GSG1L: variants seen among roughly 807,000 people sequenced by gnomAD.
GSG1L encodes GSG1 like, also known as germ cell-specific gene 1-like protein.
A neutral mutation model predicts 42.1 loss-of-function variants in GSG1L; 24 were observed. The ratio of observed to expected loss-of-function variants is 0.57; its 90% CI spans 0.41 to 0.80. GSG1L has a LOEUF of 0.80. GSG1L is among the 30% of genes least tolerant of loss of function. The probability of loss-of-function intolerance (pLI) is 0.00; values close to 1 mark genes in which losing one functional copy is unlikely to be tolerated. For synonymous variants in GSG1L, 215 were observed against 203.5 expected, an observed-to-expected ratio of 1.06 and a Z score of -0.48; for missense variants, 445 against 472.2, an observed-to-expected ratio of 0.94 and a Z score of 0.53.
At position 27,828,676 on chromosome 16, in the gene GSG1L, C is replaced by T. The variant is rs539031452; in HGVS notation, c.830+113G>A. 1,109 of 987,978 alleles carry T rather than the reference C, an allele frequency of 1.1e-3. 2 individuals are homozygous for T. Among genetic ancestry groups the T allele is most frequent in the Middle Eastern group, 2.8e-3 (12 of 4,252 alleles). 61.2% of individuals were successfully genotyped at this position (987,978 alleles called of 1,614,324 possible). A position where few individuals can be genotyped will look rare whatever the true frequency, so the allele number is the denominator to read the frequency against. ...TTCTTCTGCCTCCCCCCTCCATAAC[C>T]CCTCTGTCATACCATTCATTCCAGT... On this transcript the variant is annotated intron_variant, in intron 5 of 6. Transcript: ENST00000447459.
intron 6 of GSG1L, among the ~76,000 whole-genome samples, chr16:27,794,820 T>G (rs2082800226): frequency 6.6e-6 from 1 of 152,172 alleles, no homozygotes; most frequent in Non-Finnish European, 1.5e-5. Flanking sequence ...TCCATGGCTT[T>G]GCATAGGCTG....
At chr16:27,919,840 C>A (rs2084504057) in intron 2 of GSG1L, among the ~76,000 whole-genome samples, 1 of 152,200 alleles carries the variant, frequency 6.6e-6, no homozygotes, top group Non-Finnish European at 1.5e-5. Context: ...AAATAAGAGA[C>A]AGAGTATTTA....
intron 1 of GSG1L, among the ~76,000 whole-genome samples, chr16:28,053,603 C>T (rs537068194): frequency 1.3e-5 from 2 of 152,248 alleles, no homozygotes; most frequent in African/African-American, 4.8e-5. Flanking sequence ...AAGAGCAAGG[C>T]GAGGCGGGAA....
chr16:28,055,713 G>A (rs1379910962), intron 1 of GSG1L, among the ~76,000 whole-genome samples: 7 of 150,938 alleles, frequency 4.6e-5, no homozygotes, highest in South Asian at 2.1e-4. Flanking sequence ...CAGGTGATCC[G>A]CCCACCTCGG....
intron 1 of GSG1L, among the ~76,000 whole-genome samples, chr16:27,964,303 G>A (rs554153325): frequency 2.1e-5 from 3 of 146,074 alleles, no homozygotes; most frequent in African/African-American, 7.5e-5. Context: ...CAGCCTGGGC[G>A]ACAGAGAGGG....
chr16:27,866,670 C>T (rs1027401229), intron 3 of GSG1L, among the ~76,000 whole-genome samples: 1 of 152,148 alleles, frequency 6.6e-6, no homozygotes, highest in Non-Finnish European at 1.5e-5. Context: ...CCCCCAGGTT[C>T]AAGCCATTTT....
At chr16:27,821,699 G>A (rs1567470242) in intron 5 of GSG1L, among the ~76,000 whole-genome samples, 2 of 151,930 alleles carry the variant, frequency 1.3e-5, no homozygotes, top group African/African-American at 2.4e-5. Flanking sequence ...AGGAGATCAC[G>A]ACCATCCTGG....
intron 2 of GSG1L, among the ~76,000 whole-genome samples, chr16:27,903,206 A>T (rs2084282039): frequency 6.6e-6 from 1 of 152,066 alleles, no homozygotes; most frequent in Admixed American, 6.5e-5. Flanking sequence ...CCTGGGGGCT[A>T]GGAGCCCGCA....
intron 1 of GSG1L, among the ~76,000 whole-genome samples, chr16:28,032,612 G>A (rs1290893892): frequency 1.3e-5 from 2 of 152,024 alleles, no homozygotes; most frequent in African/African-American, 2.4e-5. Context: ...AACATAACCC[G>A]GCCAGGTCTG....
intron 3 of GSG1L, among the ~76,000 whole-genome samples, chr16:27,853,655 A>T (rs937951036): frequency 6.6e-6 from 1 of 152,094 alleles, no homozygotes; most frequent in South Asian, 2.1e-4. Context: ...CTCTGGTTGG[A>T]ATTCTGCCTT....
At position 27,935,071 on chromosome 16, in the gene GSG1L, G is replaced by A. The variant is rs2084699029; in HGVS notation, c.397+28085C>T. On this transcript the variant is annotated intron_variant, in intron 2 of 6. Transcript: ENST00000447459. ...CAGGAGGGACAAAGCAAGGTGACTTGAGAAGGTGTTTATTTTAGACAGCAC... is the reference window on the plus strand; with the variant it reads ...CAGGAGGGACAAAGCAAGGTGACTTAAGAAGGTGTTTATTTTAGACAGCAC... 3.3e-5 allele frequency among the ~76,000 whole-genome samples: 5 copies of A among 152,234 alleles called. No homozygotes were observed. The South Asian group carries it at 1.0e-3, about 32-fold the overall frequency.
intron 2 of GSG1L, among the ~76,000 whole-genome samples, chr16:27,915,927 T>G (rs1363956401): frequency 6.6e-6 from 1 of 151,916 alleles, no homozygotes; most frequent in East Asian, 1.9e-4. Flanking sequence ...GCAAATCATT[T>G]AACTTTTTTT....
At chr16:27,866,799 T>C (rs1017215787) in intron 3 of GSG1L, among the ~76,000 whole-genome samples, 1 of 152,158 alleles carries the variant, frequency 6.6e-6, no homozygotes, top group African/African-American at 2.4e-5. Context: ...GTCGAACTCC[T>C]GACCTCATGT....
chr16:27,954,651 G>A (rs1276767848), intron 2 of GSG1L, among the ~76,000 whole-genome samples: 1 of 151,990 alleles, frequency 6.6e-6, no homozygotes, highest in Non-Finnish European at 1.5e-5. Flanking sequence ...TGAACTTTTT[G>A]TTTTGTTTCA....
At chr16:27,831,746 C>A (rs1160701156) in intron 4 of GSG1L, among the ~76,000 whole-genome samples, 1 of 152,196 alleles carries the variant, frequency 6.6e-6, no homozygotes. Context: ...AGAAGAAAAG[C>A]CTACATCCCC....
intron 1 of GSG1L, among the ~76,000 whole-genome samples, chr16:28,036,769 T>G (rs546198444): frequency 1.1e-3 from 169 of 152,294 alleles, no homozygotes; most frequent in Non-Finnish European, 1.9e-3. Context: ...ATGGTGACTC[T>G]GGGGTCACGT....
chr16:27,907,091 C>G (rs953270585), intron 2 of GSG1L, among the ~76,000 whole-genome samples: 2 of 152,232 alleles, frequency 1.3e-5, no homozygotes, highest in South Asian at 2.1e-4. Flanking sequence ...GCACATGACT[C>G]AAGCTGGGCC....
intron 3 of GSG1L, among the ~76,000 whole-genome samples, chr16:27,867,902 C>A (rs763073544): frequency 3.9e-5 from 6 of 152,252 alleles, no homozygotes; most frequent in Non-Finnish European, 7.3e-5. Context: ...CCTGTCCCAA[C>A]CTCCTTGCGT....
intron 6 of GSG1L, among the ~76,000 whole-genome samples, chr16:27,792,154 A>G (rs1017166403): frequency 6.6e-5 from 10 of 152,068 alleles, no homozygotes; most frequent in African/African-American, 2.4e-4. Flanking sequence ...TCTGCCCCCA[A>G]GCAGGCCTCC....
Sources: gnomAD v4.1 joint callset for allele counts (sites outside exome capture counted in the v4.1 genomes callset) on GRCh38, gnomAD v4.1.1 for gene constraint, MANE v1.5 for transcripts, NCBI Gene and HGNC (gene_info 2026-07-23, HGNC 2026-07-21) for gene names.